PLB1: variants seen among roughly 807,000 people sequenced by gnomAD.
PLB1 encodes the protein phospholipase B1, membrane-associated.
In PLB1, 242 loss-of-function variants were observed where a neutral mutation model predicts 227.4. The observed-to-expected ratio is 1.06, with a 90% CI of 0.96 to 1.18. PLB1 has a LOEUF of 1.18. Ranked by LOEUF, PLB1 falls within the 50% of genes most tolerant of loss-of-function variation. PLB1 has a pLI of 0.00. For missense variants in PLB1, 1,858 were observed against 1,816.3 expected (o/e 1.02, Z -0.42); for synonymous variants, 757 against 682.2 (o/e 1.11, Z -1.71).
chr2:28,587,779 C>A (rs957201562), intron 26 of PLB1, among the ~76,000 whole-genome samples: 4 of 152,312 alleles, frequency 2.6e-5, no homozygotes. Context: ...CACATACCCA[C>A]GCCCTGGCTG....
intron 14 of PLB1, among the ~76,000 whole-genome samples, chr2:28,545,999 C>T (rs1323491121): frequency 6.6e-6 from 1 of 152,174 alleles, no homozygotes; most frequent in Non-Finnish European, 1.5e-5. Flanking sequence ...CAGCATCCTC[C>T]CTCCCTCCCT....
At chr2:28,525,226 A>T (rs771637515) in intron 4 of PLB1, 41 bp from the exon 5 acceptor site, 3 of 1,602,122 alleles carry the variant, frequency 1.9e-6, no homozygotes, top group Non-Finnish European at 2.6e-6. Context: ...AGGCTCTGCC[A>T]CCTCCCCTGG....
At chr2:28,633,672 G>A (rs1315195278) in intron 56 of PLB1, among the ~76,000 whole-genome samples, 8 of 152,326 alleles carry the variant, frequency 5.3e-5, no homozygotes, top group Admixed American at 2.0e-4. Flanking sequence ...GGTCTTTCAG[G>A]GACACCTGCC....
chr2:28,584,094 GC>G (rs1417432580), intron 25 of PLB1, among the ~76,000 whole-genome samples: 8 of 152,152 alleles, frequency 5.3e-5, no homozygotes, highest in Non-Finnish European at 7.4e-5. Context: ...CCCCACCCCA[GC>G]CCTGAGCACA....
intron 9 of PLB1, among the ~76,000 whole-genome samples, chr2:28,534,144 T>C (rs1671368214): frequency 6.6e-6 from 1 of 152,250 alleles, no homozygotes; most frequent in East Asian, 1.9e-4. Context: ...TCTAGTCATG[T>C]TGACATATAT....
chr2:28,507,188 T>G (rs4361079), intron 1 of PLB1, among the ~76,000 whole-genome samples: 1 of 152,034 alleles, frequency 6.6e-6, no homozygotes, highest in Non-Finnish European at 1.5e-5. Context: ...TTGTTCGTCT[T>G]CACCATGGGA....
At chr2:28,594,073 C>T (rs1558863844) in intron 33 of PLB1, 1 of 662,124 alleles carries the variant, frequency 1.5e-6, no homozygotes, top group Non-Finnish European at 2.9e-6. Flanking sequence ...TCCCCGCTTG[C>T]ATGTATACGT....
intron 5 of PLB1, among the ~76,000 whole-genome samples, chr2:28,525,598 T>TG (rs1558669665): frequency 6.6e-6 from 1 of 152,150 alleles, no homozygotes; most frequent in Admixed American, 6.5e-5. Flanking sequence ...GCTCTGCTCT[T>TG]GGGGAACCAT....
At chr2:28,601,816 A>G in intron 37 of PLB1, 83 bp from the exon 38 acceptor site, 1 of 1,203,888 alleles carries the variant, frequency 8.3e-7, no homozygotes. Flanking sequence ...TCAGGGCTGG[A>G]GCCAGAAGGG....
rs866052342 is a variant in PLB1, at chr2:28,626,004, T to C, written c.3580-424T>C. Among the ~76,000 whole-genome samples, 531 of 151,118 alleles carry C rather than the reference T, an allele frequency of 3.5e-3. 3 individuals are homozygous for C. Among genetic ancestry groups the C allele is most frequent in the African/African-American group, 0.012 (496 of 41,308 alleles). The stretch of plus-strand genomic sequence containing the variant: ...GCCCCACTTTGTTGCTTTTCTTTTT[T>C]TTTTTTTTTTAGACGGAGTCTCGCT... On this transcript the variant is annotated intron_variant, in intron 50 of 57. Transcript: ENST00000327757.
chr2:28,584,652 C>G (rs1319033520), intron 25 of PLB1, among the ~76,000 whole-genome samples: 2 of 152,228 alleles, frequency 1.3e-5, no homozygotes, highest in African/African-American at 2.4e-5. Context: ...GTCACCTTCT[C>G]CTGCCACCTC....
intron 18 of PLB1, among the ~76,000 whole-genome samples, chr2:28,564,166 C>T (rs1159481829): frequency 2.6e-5 from 4 of 152,210 alleles, no homozygotes; most frequent in African/African-American, 9.7e-5. Flanking sequence ...CACTTGAGCT[C>T]AGGATTTCGA....
intron 38 of PLB1, among the ~76,000 whole-genome samples, chr2:28,602,266 G>A (rs1326879220): frequency 6.6e-6 from 1 of 152,224 alleles, no homozygotes; most frequent in East Asian, 1.9e-4. Flanking sequence ...GGTGGTGGCA[G>A]CCAGGTGGCC....
chr2:28,507,538 C>T (rs943455763), intron 1 of PLB1, among the ~76,000 whole-genome samples: 5 of 152,204 alleles, frequency 3.3e-5, no homozygotes, highest in African/African-American at 9.7e-5. Flanking sequence ...ATAGGTCACA[C>T]CTCCTACCAC....
At chr2:28,578,279 A>T in intron 22 of PLB1, 121 bp downstream of exon 22, 1 of 888,760 alleles carries the variant, frequency 1.1e-6, no homozygotes, top group South Asian at 1.4e-5. Context: ...TGAAGCCTAA[A>T]ACACTGCTTC....
At position 28,540,440 on chromosome 2, in the gene PLB1, A is replaced by G. The variant is rs770968377; in HGVS notation, c.773A>G (p.Gln258Arg). The G allele has an allele frequency of 1.2e-5, 19 of 1,613,694 alleles. No individual in the cohort carries two copies. In the Admixed American group the frequency reaches 1.7e-4, roughly 14 times the overall value. ...AAGGTGGTGATGCAGTGGTCTTATC[A>G]GGTGAGCCCAACCTGGGATCCCAAG... ...LAKVVMQWSY[Q>R]EAWNSLLASS... Residue 258 changes from glutamine (Q) to arginine (R), a missense_variant and splice_region_variant, in exon 12 of 58, where the codon CAG (glutamine) becomes CGG (arginine). By Grantham distance (43) the Gln-to-Arg change is conservative. Coordinates refer to ENST00000327757, the MANE Select transcript of PLB1 (RefSeq NM_153021.5).
chr2:28,641,827 A>C (rs959353746), intron 57 of PLB1, among the ~76,000 whole-genome samples: 7 of 152,074 alleles, frequency 4.6e-5, no homozygotes, highest in African/African-American at 1.7e-4. Flanking sequence ...ACTTGCTGCC[A>C]GACACAGATA....
At chr2:28,641,052 G>T in intron 57 of PLB1, 51 bp downstream of exon 57, 1 of 1,559,808 alleles carries the variant, frequency 6.4e-7, no homozygotes, top group Non-Finnish European at 8.8e-7. Flanking sequence ...TGGGGTGGGG[G>T]TTGTCCTGTC....
At chr2:28,543,862 G>A (rs973210117) in intron 14 of PLB1, among the ~76,000 whole-genome samples, 14 of 152,174 alleles carry the variant, frequency 9.2e-5, no homozygotes, top group African/African-American at 3.4e-4. Context: ...TACTGTAACT[G>A]TAACAGGATA....
Sources: allele counts gnomAD v4.1 joint callset (sites outside exome capture counted in the v4.1 genomes callset), GRCh38; gene constraint gnomAD v4.1.1; transcripts MANE v1.5; gene names NCBI Gene and HGNC (gene_info 2026-07-23, HGNC 2026-07-21).